STPG4: variants seen among roughly 807,000 people sequenced by gnomAD.
STPG4 encodes the protein protein STPG4.
A neutral mutation model predicts 31.5 loss-of-function variants in STPG4; 41 were observed. That is an observed-to-expected ratio of 1.30 (90% CI 1.01 to 1.69). The LOEUF is 1.69. Ranked by LOEUF, STPG4 falls within the 40% of genes most tolerant of loss-of-function variation. The probability of loss-of-function intolerance (pLI) is 0.00; values close to 1 mark genes in which losing one functional copy is unlikely to be tolerated. For missense variants in STPG4, 375 were observed against 293.4 expected (o/e 1.28, Z -2.03); for synonymous variants, 141 against 103.0 (o/e 1.37, Z -2.24).
At chr2:47,095,535 T>C (rs984002274) in intron 5 of STPG4, among the ~76,000 whole-genome samples, 2 of 152,180 alleles carry the variant, frequency 1.3e-5, no homozygotes, top group African/African-American at 4.8e-5. Context: ...ATTTTTCTTG[T>C]ACTGGGCACA....
At chr2:47,115,329 A>G (rs1006885267) in intron 5 of STPG4, among the ~76,000 whole-genome samples, 5 of 152,130 alleles carry the variant, frequency 3.3e-5, no homozygotes, top group Admixed American at 3.3e-4. Flanking sequence ...GATTGTATCT[A>G]CTTTCTCCTG....
At chr2:47,117,681 C>T (rs1405185060) in intron 5 of STPG4, among the ~76,000 whole-genome samples, 1 of 152,212 alleles carries the variant, frequency 6.6e-6, no homozygotes, top group Non-Finnish European at 1.5e-5. Flanking sequence ...TAGACTATCC[C>T]TGCCCTGTTG....
intron 5 of STPG4, chr2:47,108,267 G>C (rs1456307387): frequency 6.6e-6 from 1 of 151,828 alleles, no homozygotes; most frequent in African/African-American, 2.4e-5. Context: ...CGAGCCAGCA[G>C]TGGCAACCCA....
intron 5 of STPG4, among the ~76,000 whole-genome samples, chr2:47,127,146 G>A (rs1199403549): frequency 6.7e-6 from 1 of 149,412 alleles, no homozygotes; most frequent in Non-Finnish European, 1.5e-5. Context: ...ATAACTCTTA[G>A]ATTTGCCGTT....
chr2:47,107,405 C>T lies in STPG4; in HGVS notation c.520-17031G>A, dbSNP rs181965085. On this transcript the variant is annotated intron_variant, in intron 5 of 6. Transcript: ENST00000445927. ...GGCCGGCCCTGCCGGCCCCGGGCAA[C>T]GAGGGGCTTAGCACCCGGGCCAGCG... Among the ~76,000 whole-genome samples the T allele has an allele frequency of 1.2e-3, 186 of 152,272 alleles. 1 individual carries two copies. The highest frequency in any genetic ancestry group is 2.7e-3 in the African/African-American group (113 of 41,540).
At chr2:47,090,247 G>C in intron 6 of STPG4, 23 bp downstream of exon 6, 1 of 1,499,858 alleles carries the variant, frequency 6.7e-7, no homozygotes, top group Non-Finnish European at 9.1e-7. Context: ...GGTGGGGGGC[G>C]ATCTGTCTTT....
intron 5 of STPG4, chr2:47,128,874 G>A (rs1686414580): frequency 6.6e-6 from 1 of 152,278 alleles, no homozygotes; most frequent in African/African-American, 2.4e-5. Context: ...TGTGACCACT[G>A]TAGCTGGGAA....
intron 5 of STPG4, among the ~76,000 whole-genome samples, chr2:47,090,706 C>T (rs912898458): frequency 2.0e-5 from 3 of 152,346 alleles, no homozygotes; most frequent in Admixed American, 1.3e-4. Flanking sequence ...AGCATGCATG[C>T]CTCATGCCGT....
At chr2:47,103,411 T>C (rs1335874134) in intron 5 of STPG4, among the ~76,000 whole-genome samples, 2 of 151,854 alleles carry the variant, frequency 1.3e-5, no homozygotes, top group Non-Finnish European at 2.9e-5. Flanking sequence ...CCCTGGGCCC[T>C]GAACAAATTC....
intron 3 of STPG4, among the ~76,000 whole-genome samples, chr2:47,145,061 C>A (rs1036286687): frequency 2.0e-5 from 3 of 152,096 alleles, no homozygotes; most frequent in Non-Finnish European, 2.9e-5. Context: ...TATGGAATTG[C>A]CAACAATATA....
At chr2:47,125,745 G>A (rs1167663190) in intron 5 of STPG4, among the ~76,000 whole-genome samples, 1 of 150,722 alleles carries the variant, frequency 6.6e-6, no homozygotes, top group Non-Finnish European at 1.5e-5. Flanking sequence ...TTTAACTAGA[G>A]ACAGGGTCTC....
intron 3 of STPG4, among the ~76,000 whole-genome samples, chr2:47,140,021 G>A (rs978235634): frequency 2.0e-5 from 3 of 151,994 alleles, no homozygotes; most frequent in African/African-American, 4.8e-5. Flanking sequence ...TGATCCGCCC[G>A]CCTCAGCCTC....
chr2:47,108,317 G>A (rs888040961), intron 5 of STPG4: 15 of 151,776 alleles, frequency 9.9e-5, no homozygotes, highest in African/African-American at 3.4e-4. Context: ...TTGTTCTTTC[G>A]CTCTTTGCAA....
At chr2:47,139,023 C>G (rs533545186) in intron 3 of STPG4, among the ~76,000 whole-genome samples, 3 of 152,256 alleles carry the variant, frequency 2.0e-5, no homozygotes, top group Admixed American at 1.3e-4. Context: ...TGTGATCTCT[C>G]TTGGTGAATG....
intron 5 of STPG4, among the ~76,000 whole-genome samples, chr2:47,110,634 T>C (rs1316937570): frequency 6.6e-6 from 1 of 152,146 alleles, no homozygotes; most frequent in Non-Finnish European, 1.5e-5. Context: ...TGAAACCAAT[T>C]GAAGAGAAAG....
rs1686933798 is a variant in STPG4 at position 47,151,415 on chromosome 2, T to C, written c.242A>G (p.Lys81Arg). The stretch of plus-strand genomic sequence containing the variant: ...GTTTCTTTGCACAAGAGGTGGCTTT[T>C]TCCTTCCTTCGTTTTTAAAATTGTA... Reference protein sequence around the residue: ...ATYNFKNEGRKKPPLVQRNNP... With the variant: ...ATYNFKNEGRRKPPLVQRNNP... The change falls in exon 3 of 7, where the codon AAA becomes AGA. Residue 81 changes from lysine to arginine, a missense_variant. Coordinates refer to ENST00000445927, the MANE Select transcript of STPG4 (RefSeq NM_001163561.2). 2 of 1,614,096 alleles carry C rather than the reference T, an allele frequency of 1.2e-6. No individual in the cohort carries two copies. Among genetic ancestry groups the C allele is most frequent in the Non-Finnish European group, 1.7e-6 (2 of 1,180,052 alleles).
intron 5 of STPG4, among the ~76,000 whole-genome samples, chr2:47,106,244 T>G (rs951399759): frequency 6.6e-6 from 1 of 151,926 alleles, no homozygotes; most frequent in South Asian, 2.1e-4. Context: ...TGTGGAACAT[T>G]GACCTATATC....
At chr2:47,108,410 C>G (rs1685968360) in intron 5 of STPG4, 1 of 153,964 alleles carries the variant, frequency 6.5e-6, no homozygotes, top group East Asian at 1.9e-4. Flanking sequence ...CAGCTTCACT[C>G]CTGAGCCAGC....
intron 5 of STPG4, among the ~76,000 whole-genome samples, chr2:47,100,957 A>G (rs889710319): frequency 1.3e-5 from 2 of 151,868 alleles, no homozygotes; most frequent in Admixed American, 1.3e-4. Flanking sequence ...AGTGAGACCA[A>G]GAACCCACCA....
Sources: gnomAD v4.1 joint callset for allele counts (sites outside exome capture counted in the v4.1 genomes callset) on GRCh38, gnomAD v4.1.1 for gene constraint, MANE v1.5 for transcripts, NCBI Gene and HGNC (gene_info 2026-07-23, HGNC 2026-07-21) for gene names.